The following SLC60A2 variants were observed in gnomAD, a reference collection of about 807,000 sequenced individuals.
The protein encoded by SLC60A2 is major facilitator superfamily domain containing 4B.
the SLC60A2 span, among the ~76,000 whole-genome samples, chr6:111,275,938 C>T: frequency 2.6e-5 from 4 of 152,148 alleles, no homozygotes; most frequent in Admixed American, 6.5e-5. Flanking sequence ...TGCCATTCTA[C>T]GCCCCCATCC....
chr6:111,266,110 T>C, the SLC60A2 span: 1 of 1,614,262 alleles, frequency 6.2e-7, no homozygotes, highest in African/African-American at 1.3e-5. Context: ...AAGAATTTAC[T>C]GTGGGCTTAT....
the SLC60A2 span, among the ~76,000 whole-genome samples, chr6:111,259,945 C>G: frequency 2.2e-5 from 3 of 135,654 alleles, no homozygotes; most frequent in Non-Finnish European, 4.6e-5. Context: ...GAGTCTCGCT[C>G]TGTTGCCCAG....
the SLC60A2 span, chr6:111,265,286 C>G: frequency 1.0e-6 from 1 of 981,718 alleles, no homozygotes; most frequent in Non-Finnish European, 1.2e-6. Flanking sequence ...GAAGATAGCT[C>G]AAGATGTGCT....
At chr6:111,266,823 A>T in the SLC60A2 span, 1 of 1,613,946 alleles carries the variant, frequency 6.2e-7, no homozygotes, top group Non-Finnish European at 8.5e-7. Flanking sequence ...AGAAGACAGA[A>T]AGAGTGAGGA....
the SLC60A2 span, chr6:111,259,714 C>T: frequency 1.3e-6 from 2 of 1,597,918 alleles, no homozygotes; most frequent in East Asian, 2.3e-5. Context: ...CTGTGTGCCT[C>T]CTTCCTGGGG....
the SLC60A2 span, chr6:111,268,714 C>G: frequency 3.3e-5 from 5 of 152,120 alleles, no homozygotes; most frequent in African/African-American, 1.2e-4. Context: ...ATCGTAGTTA[C>G]CGTAGGTCAC....
At chr6:111,271,774 C>CCAAAAAAA in the SLC60A2 span, among the ~76,000 whole-genome samples, 2 of 6,274 alleles carry the variant, frequency 3.2e-4, no homozygotes, top group Non-Finnish European at 7.1e-4. Context: ...CCCATCTCTA[C>CCAAAAAAA]TAAAAAAAAA....
At chr6:111,273,155 A>G in the SLC60A2 span, among the ~76,000 whole-genome samples, 1 of 151,850 alleles carries the variant, frequency 6.6e-6, no homozygotes, top group African/African-American at 2.4e-5. Context: ...GTCAGAAAAG[A>G]TTATATGTTT....
the SLC60A2 span, chr6:111,269,025 TTC>T: frequency 6.6e-6 from 1 of 152,156 alleles, no homozygotes; most frequent in Non-Finnish European, 1.5e-5. Context: ...CTTACTTAAT[TTC>T]TATAAATTTG....
At chr6:111,262,408 A>C in the SLC60A2 span, 1 of 1,612,890 alleles carries the variant, frequency 6.2e-7, no homozygotes, top group Non-Finnish European at 8.5e-7. Flanking sequence ...GATGTCATGA[A>C]TTATTTTTTA....
the SLC60A2 span, among the ~76,000 whole-genome samples, chr6:111,260,617 T>C: frequency 2.0e-5 from 3 of 152,168 alleles, no homozygotes; most frequent in Non-Finnish European, 4.4e-5. Flanking sequence ...CTCCTCCTTA[T>C]CACTTGATAA....
chr6:111,275,829 A>G, the SLC60A2 span, among the ~76,000 whole-genome samples: 16 of 152,370 alleles, frequency 1.1e-4, no homozygotes, highest in Admixed American at 9.1e-4. Context: ...GTTCAGTGGC[A>G]TTAAGTATAT....
the SLC60A2 span, chr6:111,266,728 C>T: frequency 1.2e-6 from 2 of 1,614,168 alleles, no homozygotes; most frequent in Non-Finnish European, 1.7e-6. Flanking sequence ...GTTCTGTATA[C>T]CTCTTTGGGA....
At chr6:111,266,676 G>A in the SLC60A2 span, 2 of 1,614,184 alleles carry the variant, frequency 1.2e-6, no homozygotes, top group Non-Finnish European at 1.7e-6. Flanking sequence ...TATTCCTGCA[G>A]TCATTGGAAT....
At chr6:111,274,882 A>G in the SLC60A2 span, among the ~76,000 whole-genome samples, 3 of 152,088 alleles carry the variant, frequency 2.0e-5, no homozygotes, top group African/African-American at 7.2e-5. Context: ...TTCAGAGAAG[A>G]TTGGTTCTTA....
chr6:111,277,581 A>T, the SLC60A2 span, among the ~76,000 whole-genome samples: 4 of 152,208 alleles, frequency 2.6e-5, no homozygotes, highest in Non-Finnish European at 5.9e-5. Flanking sequence ...TGCCTTCACC[A>T]AGCTTATGTT....
At chr6:111,259,636 A>C in the SLC60A2 span, 1 of 1,519,872 alleles carries the variant, frequency 6.6e-7, no homozygotes, top group East Asian at 2.6e-5. Flanking sequence ...CCGGAGCCGG[A>C]GGTGGTGGTG....
the SLC60A2 span, among the ~76,000 whole-genome samples, chr6:111,276,750 G>A: frequency 6.6e-6 from 1 of 152,222 alleles, no homozygotes; most frequent in Non-Finnish European, 1.5e-5. Context: ...ACCAGAAGGT[G>A]TGTGGTCTGA....
At chr6:111,260,389 G>A in the SLC60A2 span, among the ~76,000 whole-genome samples, 1 of 152,220 alleles carries the variant, frequency 6.6e-6, no homozygotes, top group East Asian at 1.9e-4. Context: ...GCTTAATTTT[G>A]CAGATAAGGA....
Sources: allele counts gnomAD v4.1 joint callset (sites outside exome capture counted in the v4.1 genomes callset), GRCh38; gene constraint gnomAD v4.1.1; transcripts MANE v1.5; gene names NCBI Gene and HGNC (gene_info 2026-07-23, HGNC 2026-07-21).